PCDH15: variants seen among roughly 807,000 people sequenced by gnomAD.
The protein encoded by PCDH15 is protocadherin related 15.
In PCDH15, 129 loss-of-function variants were observed where a neutral mutation model predicts 178.5. The observed-to-expected ratio is 0.72, with a 90% CI of 0.63 to 0.84. The LOEUF (loss-of-function observed/expected upper bound fraction) is 0.84, where lower values mean the gene tolerates loss of function less well. PCDH15 is among the 40% of genes least tolerant of loss of function. The probability of loss-of-function intolerance (pLI) is 0.00; values close to 1 mark genes in which losing one functional copy is unlikely to be tolerated. For missense variants in PCDH15, 2,230 were observed against 2,099.9 expected (o/e 1.06, Z -1.21); for synonymous variants, 800 against 732.0 (o/e 1.09, Z -1.50).
At chr10:54,565,354 G>A (rs1327557410) in intron 2 of PCDH15, among the ~76,000 whole-genome samples, 1 of 152,162 alleles carries the variant, frequency 6.6e-6, no homozygotes, top group East Asian at 1.9e-4. Flanking sequence ...TTCTTGATCT[G>A]TGAATCAACC....
chr10:54,044,965 C>T (rs1488499587), intron 18 of PCDH15, among the ~76,000 whole-genome samples: 1 of 152,062 alleles, frequency 6.6e-6, no homozygotes, highest in Admixed American at 6.6e-5. Flanking sequence ...CATCTCATGG[C>T]AAAGTTAGGT....
intron 1 of PCDH15, among the ~76,000 whole-genome samples, chr10:54,740,698 A>G (rs898533046): frequency 6.6e-6 from 1 of 152,032 alleles, no homozygotes; most frequent in Non-Finnish European, 1.5e-5. Context: ...ATTAAAAAGA[A>G]TGCTACTCTG....
chr10:54,004,930 C>T (rs763482828), intron 20 of PCDH15, among the ~76,000 whole-genome samples: 1 of 136,598 alleles, frequency 7.3e-6, no homozygotes, highest in African/African-American at 2.9e-5. Context: ...CTATAGTAAA[C>T]AAAATAGGAT....
intron 22 of PCDH15, among the ~76,000 whole-genome samples, chr10:53,961,417 A>G (rs2088300223): frequency 6.6e-6 from 1 of 152,056 alleles, no homozygotes; most frequent in African/African-American, 2.4e-5. Flanking sequence ...TATTAATGTC[A>G]CTTATTGGCA....
At chr10:54,633,800 A>G (rs1220586439) in intron 2 of PCDH15, among the ~76,000 whole-genome samples, 1 of 152,152 alleles carries the variant, frequency 6.6e-6, no homozygotes, top group Non-Finnish European at 1.5e-5. Flanking sequence ...TGTACTTTCT[A>G]TGGAGAGATC....
At chr10:54,441,137 T>C (rs566658371) in intron 3 of PCDH15, among the ~76,000 whole-genome samples, 1 of 152,112 alleles carries the variant, frequency 6.6e-6, no homozygotes, top group South Asian at 2.1e-4. Context: ...CTGTTCACTC[T>C]GTCCTTTCTG....
intron 2 of PCDH15, among the ~76,000 whole-genome samples, chr10:55,401,946 A>G (rs139549981): frequency 1.9e-4 from 29 of 152,118 alleles, no homozygotes; most frequent in Admixed American, 1.7e-3. Context: ...TCTATTAGAG[A>G]TTGTAAAGAA....
intron 2 of PCDH15, among the ~76,000 whole-genome samples, chr10:55,442,488 T>C (rs1839219039): frequency 6.9e-6 from 1 of 144,030 alleles, no homozygotes; most frequent in African/African-American, 2.5e-5. Context: ...ATATTATATA[T>C]ATATATATAT....
At position 54,765,297 on chromosome 10, in the gene PCDH15, C is replaced by T. The variant is rs577081700; in HGVS notation, c.-29+35628G>A. On this transcript the variant is annotated intron_variant, in intron 1 of 37. Transcript: ENST00000644397. ...AGCAAAAAATAGAATGTATCAAAATCGTAAATGCTGACATTTATTGGGAAA... is the reference window on the plus strand; with the variant it reads ...AGCAAAAAATAGAATGTATCAAAATTGTAAATGCTGACATTTATTGGGAAA... 3.0e-4 allele frequency among the ~76,000 whole-genome samples: 45 copies of T among 152,122 alleles called. 1 individual carries two copies. In the South Asian group the frequency reaches 8.7e-3, roughly 29 times the overall value.
chr10:54,509,528 T>C (rs2081460314), intron 3 of PCDH15, among the ~76,000 whole-genome samples: 1 of 152,158 alleles, frequency 6.6e-6, no homozygotes, highest in Non-Finnish European at 1.5e-5. Flanking sequence ...TATTTCTTAT[T>C]ATTACATATC....
At chr10:53,915,571 CT>C (rs1290469197) in intron 25 of PCDH15, among the ~76,000 whole-genome samples, 1 of 151,664 alleles carries the variant, frequency 6.6e-6, no homozygotes, top group African/African-American at 2.4e-5. Context: ...TTCATATTTC[CT>C]TTTTTTTGAG....
Position 54,378,855 on chromosome 10 carries a change from T to C in PCDH15, c.245A>G (p.Asp82Gly). The C allele has an allele frequency of 6.2e-7, 1 of 1,613,874 alleles. No homozygotes were observed. The highest frequency in any genetic ancestry group is 1.1e-5 in the South Asian group (1 of 91,082). Reference protein sequence around the residue: ...TIELSLKDNVDYWVLMDPVKQ... With the variant: ...TIELSLKDNVGYWVLMDPVKQ... The stretch of plus-strand genomic sequence containing the variant: ...AACAGGATCCATCAACACCCAGTAA[T>C]CCACATTATCCTTTAAAGAAAGTTC... Residue 82 changes from aspartate (D) to glycine (G), a missense_variant, in exon 4 of 38, where the codon GAT (aspartate) becomes GGT (glycine). Asp to Gly is a moderately conservative substitution (Grantham distance 94, BLOSUM62 -1). Coordinates refer to ENST00000644397, the MANE Select transcript of PCDH15 (RefSeq NM_001384140.1).
chr10:54,471,941 T>A (rs866383886), intron 3 of PCDH15, among the ~76,000 whole-genome samples: 1 of 152,144 alleles, frequency 6.6e-6, no homozygotes, highest in African/African-American at 2.4e-5. Context: ...TAGCACAGAA[T>A]ATAAAACATA....
At chr10:55,128,800 A>G (rs1340449736) in intron 2 of PCDH15, among the ~76,000 whole-genome samples, 2 of 151,780 alleles carry the variant, frequency 1.3e-5, no homozygotes, top group African/African-American at 4.8e-5. Context: ...GCAGTCATCA[A>G]TAGAGATCTG....
At chr10:54,358,996 C>T (rs1039564942) in intron 5 of PCDH15, among the ~76,000 whole-genome samples, 4 of 122,664 alleles carry the variant, frequency 3.3e-5, no homozygotes, top group Non-Finnish European at 4.8e-5. Flanking sequence ...GAACATCACA[C>T]TCTGGGGACT....
chr10:54,724,531 A>C (rs115149093), intron 1 of PCDH15, among the ~76,000 whole-genome samples: 2,605 of 151,726 alleles, frequency 0.017, 76 homozygotes, highest in African/African-American at 0.058. Context: ...ATCTAAAATA[A>C]AATTAAAATT....
rs139087988 is a variant in PCDH15, at chr10:54,875,114, C to T, written c.-29+22336G>A. The stretch of plus-strand genomic sequence containing the variant: ...TATCAGTGCTATTTTTCGAACAGCA[C>T]GTGCTCATTTCATGTCATTGTGTCA... On this transcript the variant is annotated intron_variant, in intron 3 of 5. Transcript: ENST00000458638. Among the ~76,000 whole-genome samples, 283 of 152,214 alleles carry T rather than the reference C, an allele frequency of 1.9e-3. 1 individual carries two copies. The highest frequency in any genetic ancestry group is 3.4e-3 in the Non-Finnish European group (229 of 68,002).
chr10:55,465,164 A>G (rs1174944704), intron 2 of PCDH15, among the ~76,000 whole-genome samples: 3 of 152,160 alleles, frequency 2.0e-5, no homozygotes, highest in Non-Finnish European at 4.4e-5. Flanking sequence ...ATTGACTCAC[A>G]GGATCATGAG....
intron 10 of PCDH15, among the ~76,000 whole-genome samples, chr10:54,201,165 C>G (rs573848023): frequency 1.3e-5 from 2 of 152,068 alleles, no homozygotes; most frequent in Non-Finnish European, 2.9e-5. Flanking sequence ...AAAGTGAAAA[C>G]CACTTTTTTG....
Sources: allele counts gnomAD v4.1 joint callset (sites outside exome capture counted in the v4.1 genomes callset), GRCh38; gene constraint gnomAD v4.1.1; transcripts MANE v1.5; gene names NCBI Gene and HGNC (gene_info 2026-07-23, HGNC 2026-07-21).